Variants in ZNF831 observed in about 807,000 individuals in gnomAD.
The protein encoded by ZNF831 is chromosome 20 open reading frame 174.
In ZNF831, 59 loss-of-function variants were observed where a neutral mutation model predicts 95.8. The observed-to-expected ratio is 0.62, with a 90% CI of 0.50 to 0.77. ZNF831 has a LOEUF of 0.77. ZNF831 is among the 30% of genes least tolerant of loss of function. ZNF831 has a pLI of 0.00. For missense variants in ZNF831, 2,205 were observed against 2,164.0 expected (o/e 1.02, Z -0.38); for synonymous variants, 961 against 925.5 (o/e 1.04, Z -0.70).
At chr20:59,209,163 T>G (rs1159139590) in intron 4 of ZNF831, among the ~76,000 whole-genome samples, 1 of 152,200 alleles carries the variant, frequency 6.6e-6, no homozygotes. Flanking sequence ...CTGTCTAGGA[T>G]GTCGACGGTC....
In ZNF831 at chr20:59,254,168, G is replaced by A. The variant is rs755172472; in HGVS notation, c.4459G>A (p.Ala1487Thr). 1 of 1,614,024 alleles carries A rather than the reference G, an allele frequency of 6.2e-7. No individual in the cohort carries two copies. Among genetic ancestry groups the A allele is most frequent in the Non-Finnish European group, 8.5e-7 (1 of 1,180,020 alleles). Residue 1487 changes from alanine to threonine, a missense_variant, in exon 6 of 6, where the codon GCT becomes ACT. By Grantham distance (58) the Ala-to-Thr change is moderately conservative. Transcript: ENST00000371030. This position sits in a 1 kb window ranked among gnomAD's most constrained non-coding sequence, Gnocchi z 4.5. ...SKGTFPHHDI[A>T]TSVAAVCISL... ...AGGAACTTTTCCCCACCATGACATT[G>A]CTACCTCTGTGGCTGCCGTTTGTAT... is the stretch of plus-strand genomic sequence containing the variant.
intron 2 of ZNF831, among the ~76,000 whole-genome samples, chr20:59,158,292 C>T (rs909914962): frequency 9.2e-5 from 14 of 152,304 alleles, no homozygotes; most frequent in Admixed American, 1.3e-4. Flanking sequence ...GCCTGGCGTG[C>T]GCAGGAAGCC....
chr20:59,178,891 G>A (rs1281206061), intron 1 of ZNF831, among the ~76,000 whole-genome samples: 4 of 152,160 alleles, frequency 2.6e-5, no homozygotes, highest in South Asian at 2.1e-4. Context: ...GGAAATGCAT[G>A]GTGGGATTTG....
chr20:59,172,749 C>T (rs1037528320), intron 1 of ZNF831, among the ~76,000 whole-genome samples: 1 of 150,658 alleles, frequency 6.6e-6, no homozygotes, highest in East Asian at 1.9e-4. Context: ...AATTGAGACT[C>T]TCTGGTAAGT....
chr20:59,168,455 G>GT (rs71183161), intron 1 of ZNF831, among the ~76,000 whole-genome samples: 27,404 of 113,658 alleles, frequency 0.24, 3,873 homozygotes, highest in African/African-American at 0.27. Context: ...GTGCGAGGAG[G>GT]TTTTTTTTTT....
Position 59,126,032 on chromosome 20 carries a change from G to A in ZNF831, c.-1425+2527G>A, listed in dbSNP as rs112064084. On this transcript the variant is annotated intron_variant, in intron 1 of 7. Transcript: ENST00000637017. ...TTGGAAATCAATCCATCAACAAAGA[G>A]TTATTGAGTGTCCCTTATGCAAACG... Among the ~76,000 whole-genome samples the A allele has an allele frequency of 4.6e-5, 7 of 152,216 alleles. 1 individual carries two copies. The highest frequency in any genetic ancestry group is 1.4e-4 in the African/African-American group (6 of 41,558).
At chr20:59,156,720 G>C (rs1411447688) in intron 2 of ZNF831, among the ~76,000 whole-genome samples, 1 of 152,000 alleles carries the variant, frequency 6.6e-6, no homozygotes, top group African/African-American at 2.4e-5. Flanking sequence ...GCTTCTATAA[G>C]TTTGACTGTT....
rs1331286603 is a variant in ZNF831 at position 59,193,303 on chromosome 20, C to T, written c.2284C>T (p.Pro762Ser). 1.1e-5 allele frequency: 18 copies of T among 1,611,366 alleles called. No homozygotes were observed. The highest frequency in any genetic ancestry group is 1.4e-5 in the Non-Finnish European group (17 of 1,178,878). ...NGRLELGWQM[P>S]PAPGPLKGGD... ...GAGGCTGGAACTGGGGTGGCAGATG[C>T]CCCCAGCACCTGGCCCCCTCAAAGG... The change falls in exon 2 of 6, where the codon CCC becomes TCC. Residue 762 changes from proline (P) to serine (S), a missense_variant. By Grantham distance (74) the Pro-to-Ser change is moderately conservative (BLOSUM62 -1). Transcript: ENST00000371030.
In ZNF831 at chr20:59,241,460, A is replaced by G. The variant is rs181622431; in HGVS notation, c.4028-11518A>G. Among the ~76,000 whole-genome samples, 297 of 152,314 alleles carry G rather than the reference A, an allele frequency of 1.9e-3. 1 individual carries two copies. Among genetic ancestry groups the G allele is most frequent in the African/African-American group, 6.8e-3 (283 of 41,566 alleles). ...TCTTGAGAAAAGAAGCCAAGTTGAA[A>G]GTATTTCGGTGACCCCACAGTCCAC... On this transcript the variant is annotated intron_variant, in intron 4 of 5. Coordinates refer to ENST00000371030, the MANE Select transcript of ZNF831 (RefSeq NM_178457.3).
chr20:59,124,967 C>T (rs1979125005), intron 1 of ZNF831, among the ~76,000 whole-genome samples: 1 of 152,220 alleles, frequency 6.6e-6, no homozygotes, highest in Non-Finnish European at 1.5e-5. Flanking sequence ...GACCAGGGCT[C>T]AGTCTAGAGC....
chr20:59,177,351 G>C (rs1982248450), intron 1 of ZNF831, among the ~76,000 whole-genome samples: 1 of 152,208 alleles, frequency 6.6e-6, no homozygotes, highest in Admixed American at 6.5e-5. Context: ...ATATTGTTGA[G>C]CAGGCTAGCG....
chr20:59,144,558 A>C (rs140245305), intron 1 of ZNF831, among the ~76,000 whole-genome samples: 1 of 152,256 alleles, frequency 6.6e-6, no homozygotes, highest in African/African-American at 2.4e-5. Context: ...GGTTGAGAAC[A>C]GTTGACTTAA....
chr20:59,205,018 G>T (rs1442601436), intron 3 of ZNF831, among the ~76,000 whole-genome samples: 2 of 152,160 alleles, frequency 1.3e-5, no homozygotes, highest in Non-Finnish European at 2.9e-5. Context: ...GATGAAGTGC[G>T]AATTCAGAGG....
chr20:59,251,535 G>A (rs1987888886), intron 4 of ZNF831, among the ~76,000 whole-genome samples: 1 of 152,162 alleles, frequency 6.6e-6, no homozygotes, highest in South Asian at 2.1e-4. Context: ...GAAGTTTTGT[G>A]TTAGGAAAGC....
At chr20:59,127,960 C>T (rs894646877) in intron 1 of ZNF831, among the ~76,000 whole-genome samples, 39 of 152,218 alleles carry the variant, frequency 2.6e-4, no homozygotes, top group African/African-American at 4.8e-4. Context: ...GACACTCCTT[C>T]GCTGTAGCCA....
chr20:59,194,736 A>G lies in ZNF831; in HGVS notation c.3717A>G (p.Gly1239=), dbSNP rs1395207503. The G allele has an allele frequency of 2.5e-6, 4 of 1,574,746 alleles. No individual in the cohort carries two copies. The African/African-American group carries it at 5.4e-5, about 21-fold the overall frequency. Residue 1239 remains glycine, a synonymous_variant, in exon 2 of 6, where the codon GGA becomes GGG. Transcript: ENST00000371030. ...GGACCTGGACAAGCCCTGGAGAAGG[A>G]GGGCCGGCGCAGATGTCCAAGGTAA... ...GGWTWTSPGE[G]GPAQMSKFSY... is the part of the protein sequence containing the mutation.
At chr20:59,221,497 A>G (rs1568778717) in intron 4 of ZNF831, among the ~76,000 whole-genome samples, 1 of 152,310 alleles carries the variant, frequency 6.6e-6, no homozygotes, top group East Asian at 1.9e-4. Flanking sequence ...GGCAGGGAGC[A>G]TGGGGAATCT....
intron 1 of ZNF831, among the ~76,000 whole-genome samples, chr20:59,176,616 A>G (rs967139471): frequency 3.3e-5 from 5 of 152,210 alleles, no homozygotes; most frequent in African/African-American, 1.2e-4. Context: ...TGTAACACGC[A>G]TGTGTATTTC....
chr20:59,252,863 G>T, intron 4 of ZNF831, 115 bp from the exon 5 acceptor site: 2 of 1,092,838 alleles, frequency 1.8e-6, no homozygotes, highest in Non-Finnish European at 1.3e-6. Flanking sequence ...CACCCTGTGA[G>T]ATGAGGGTTA....
Sources: gnomAD v4.1 joint callset for allele counts (sites outside exome capture counted in the v4.1 genomes callset) on GRCh38, gnomAD v4.1.1 for gene constraint, Gnocchi (gnomAD v3.1) non-coding constraint, MANE v1.5 for transcripts, NCBI Gene and HGNC (gene_info 2026-07-23, HGNC 2026-07-21) for gene names.